Variants in EPHA6 observed in about 807,000 individuals in gnomAD.
The protein encoded by EPHA6 is EPH receptor A6.
Under a neutral mutation model 112.0 loss-of-function variants are expected in EPHA6, and 50 were observed. The ratio of observed to expected loss-of-function variants is 0.45; its 90% CI spans 0.36 to 0.56. EPHA6 has a LOEUF of 0.56. Among genes scored for constraint, EPHA6 ranks in the 20% least tolerant of loss-of-function variants. The probability of loss-of-function intolerance (pLI) is 0.00; values close to 1 mark genes in which losing one functional copy is unlikely to be tolerated. For synonymous variants in EPHA6, 529 were observed against 490.7 expected, an observed-to-expected ratio of 1.08 and a Z score of -1.03; for missense variants, 1,280 against 1,417.4, an observed-to-expected ratio of 0.90 and a Z score of 1.56.
chr3:97,188,655 A>T (rs1236152484), intron 3 of EPHA6, among the ~76,000 whole-genome samples: 1 of 151,096 alleles, frequency 6.6e-6, no homozygotes, highest in Non-Finnish European at 1.5e-5. Context: ...TTCTTAAATA[A>T]AGAATAAGTT....
intron 2 of EPHA6, among the ~76,000 whole-genome samples, chr3:96,952,588 TAA>T (rs2041590970): frequency 1.3e-5 from 2 of 152,146 alleles, no homozygotes; most frequent in African/African-American, 2.4e-5. Flanking sequence ...GTGAGCAAAA[TAA>T]AGTTATTTTC....
At chr3:97,724,707 G>GT (rs1337532685) in intron 15 of EPHA6, among the ~76,000 whole-genome samples, 3 of 151,924 alleles carry the variant, frequency 2.0e-5, no homozygotes, top group Non-Finnish European at 4.4e-5. Flanking sequence ...CCATGATGAT[G>GT]TGTCACTGTA....
rs572951217 is a variant in EPHA6, at chr3:97,350,147, A to G, written c.1607-55003A>G. 2.0e-5 allele frequency among the ~76,000 whole-genome samples: 3 copies of G among 152,112 alleles called. No homozygotes were observed. The South Asian group carries it at 6.2e-4, about 32-fold the overall frequency. ...TCACTCTTCCAGCTTTGGATATTGT[A>G]GAGAAAGAATGAGATATCTGGAATA... On this transcript the variant is annotated intron_variant, in intron 5 of 17. Coordinates refer to ENST00000389672, the MANE Select transcript of EPHA6 (RefSeq NM_001080448.3).
At chr3:97,697,793 G>A (rs1029615930) in intron 14 of EPHA6, among the ~76,000 whole-genome samples, 2 of 152,112 alleles carry the variant, frequency 1.3e-5, no homozygotes, top group Non-Finnish European at 2.9e-5. Flanking sequence ...TGTCCCATAG[G>A]TTAGGGTGCT....
chr3:97,421,412 C>A (rs1036797504), intron 6 of EPHA6, among the ~76,000 whole-genome samples: 6 of 152,034 alleles, frequency 3.9e-5, no homozygotes, highest in Admixed American at 3.9e-4. Context: ...GCAACTTAAT[C>A]TGTAAAGCAT....
rs549596869 is a variant in EPHA6 at position 97,409,526 on chromosome 3, CA to C, written c.1731+4253del. On this transcript the variant is annotated intron_variant, in intron 6 of 17. Coordinates refer to ENST00000389672, the MANE Select transcript of EPHA6 (RefSeq NM_001080448.3). ...CTGGCCATCATACCTTACATCACAG[CA>C]GATGTCTCAGAAAGTCAGTGCTTTC... 1.3e-4 allele frequency among the ~76,000 whole-genome samples: 20 copies of C among 152,216 alleles called. No homozygotes were observed. In the South Asian group the frequency reaches 2.7e-3, roughly 20 times the overall value.
chr3:96,977,827 T>C (rs748752313), intron 2 of EPHA6, among the ~76,000 whole-genome samples: 1 of 152,180 alleles, frequency 6.6e-6, no homozygotes, highest in Non-Finnish European at 1.5e-5. Flanking sequence ...TTACACATAC[T>C]GTATTCTTAC....
At chr3:97,573,223 A>C (rs750818451) in intron 11 of EPHA6, among the ~76,000 whole-genome samples, 12 of 152,316 alleles carry the variant, frequency 7.9e-5, no homozygotes, top group Non-Finnish European at 1.6e-4. Context: ...GTATGGTGTT[A>C]ATGAGTTTCT....
intron 11 of EPHA6, among the ~76,000 whole-genome samples, chr3:97,537,152 T>C (rs1048142108): frequency 2.0e-5 from 3 of 152,194 alleles, no homozygotes; most frequent in East Asian, 1.9e-4. Context: ...AGAAAAGTTA[T>C]AGGTAAAATT....
chr3:96,986,116 T>C (rs548728823), intron 2 of EPHA6, among the ~76,000 whole-genome samples: 2 of 152,292 alleles, frequency 1.3e-5, no homozygotes, highest in African/African-American at 4.8e-5. Context: ...TGATCAGTTA[T>C]AGCTATACAA....
In EPHA6 at chr3:97,055,187, CT is replaced by C. The variant is rs371142818; in HGVS notation, c.1114+67195del. Among the ~76,000 whole-genome samples the C allele has an allele frequency of 6.4e-3, 970 of 152,192 alleles. 8 individuals carry two copies. The highest frequency in any genetic ancestry group is 0.021 in the African/African-American group (878 of 41,530). ...AAGTTACTGTGTTCTAGCCAAAAAC[CT>C]ATTGAACCTGACCCTCTGAGGATGT... On this transcript the variant is annotated intron_variant, in intron 3 of 17. Coordinates refer to ENST00000389672, the MANE Select transcript of EPHA6 (RefSeq NM_001080448.3).
intron 7 of EPHA6, among the ~76,000 whole-genome samples, chr3:97,450,835 T>C (rs2090503902): frequency 1.3e-5 from 2 of 151,858 alleles, no homozygotes; most frequent in African/African-American, 4.8e-5. Flanking sequence ...GTGAGGAAAA[T>C]AAAAAGTTTA....
chr3:97,082,508 C>T (rs1404390404), intron 3 of EPHA6, among the ~76,000 whole-genome samples: 1 of 151,672 alleles, frequency 6.6e-6, no homozygotes, highest in Non-Finnish European at 1.5e-5. Flanking sequence ...TCAATTTTCC[C>T]CCTGCTTTTA....
chr3:97,032,954 C>A (rs1396112846), intron 3 of EPHA6, among the ~76,000 whole-genome samples: 1 of 151,544 alleles, frequency 6.6e-6, no homozygotes, highest in African/African-American at 2.4e-5. Context: ...AAATATTGTG[C>A]CAAAATCATG....
intron 7 of EPHA6, among the ~76,000 whole-genome samples, chr3:97,462,400 TAAAAAG>T (rs1478552218): frequency 6.6e-6 from 1 of 152,014 alleles, no homozygotes; most frequent in Non-Finnish European, 1.5e-5. Flanking sequence ...AGGAAATAAT[TAAAAAG>T]AAGAAGAATG....
At chr3:97,480,303 A>T (rs1327013422) in intron 9 of EPHA6, among the ~76,000 whole-genome samples, 4 of 151,320 alleles carry the variant, frequency 2.6e-5, no homozygotes, top group Admixed American at 6.6e-5. Context: ...GGGTCATAGG[A>T]CAATAGTGGA....
intron 5 of EPHA6, among the ~76,000 whole-genome samples, chr3:97,362,818 A>G (rs973424206): frequency 6.6e-6 from 1 of 151,780 alleles, no homozygotes; most frequent in African/African-American, 2.4e-5. Context: ...CAATCTGTGA[A>G]AGTGTTTATG....
chr3:97,742,160 G>A (rs2035531976), intron 16 of EPHA6, among the ~76,000 whole-genome samples: 1 of 152,036 alleles, frequency 6.6e-6, no homozygotes, highest in Non-Finnish European at 1.5e-5. Context: ...TCTCACTATG[G>A]CAGATATTAC....
At chr3:96,920,723 A>G (rs1157938118) in intron 2 of EPHA6, among the ~76,000 whole-genome samples, 1 of 151,968 alleles carries the variant, frequency 6.6e-6, no homozygotes, top group Non-Finnish European at 1.5e-5. Context: ...GTCAATCGGT[A>G]TATTTGTGTG....
Sources: gnomAD v4.1 joint callset for allele counts (sites outside exome capture counted in the v4.1 genomes callset) on GRCh38, gnomAD v4.1.1 for gene constraint, MANE v1.5 for transcripts, NCBI Gene and HGNC (gene_info 2026-07-23, HGNC 2026-07-21) for gene names.